The following COL6A6 variants were observed in gnomAD, a reference collection of about 807,000 sequenced individuals.
The protein encoded by COL6A6 is collagen type VI alpha 6 chain.
COL6A6 carries 183 observed loss-of-function variants against 208.6 expected under a neutral mutation model. The observed-to-expected ratio is 0.88, with a 90% CI of 0.78 to 0.99. The LOEUF (loss-of-function observed/expected upper bound fraction) is 0.99, where lower values mean the gene tolerates loss of function less well. Among genes scored for constraint, COL6A6 ranks in the 50% least tolerant of loss-of-function variants. The pLI, the probability that COL6A6 is intolerant of heterozygous loss-of-function variation, is 0.00. For synonymous variants in COL6A6, 973 were observed against 1,011.8 expected, an observed-to-expected ratio of 0.96 and a Z score of 0.73; for missense variants, 2,816 against 2,815.2, an observed-to-expected ratio of 1.00 and a Z score of -0.01.
chr3:130,647,615 A>T (rs1387659035), intron 32 of COL6A6, among the ~76,000 whole-genome samples: 1 of 152,250 alleles, frequency 6.6e-6, no homozygotes, highest in African/African-American at 2.4e-5. Context: ...TTTGAAGGAC[A>T]TGGAGTCAAG....
Position 130,662,073 on chromosome 3 carries a change from T to A in COL6A6, c.6267T>A (p.Ser2089=). 6.2e-7 allele frequency: 1 copy of A among 1,614,058 alleles called. No homozygotes were observed. The highest frequency in any genetic ancestry group is 1.6e-4 in the Middle Eastern group (1 of 6,062). Residue 2089 remains serine (S), a synonymous_variant, in exon 35 of 37, where the codon TCT becomes TCA. Transcript: ENST00000358511. The part of the protein sequence containing the change: ...LRRNKVIFVI[S]AGETSHLDGE... ...GAAACAAAGTCATATTTGTGATATC[T>A]GCTGGGGAAACCAGCCACTTAGATG...
intron 1 of COL6A6, among the ~76,000 whole-genome samples, chr3:130,553,172 C>T (rs972623582): frequency 2.6e-5 from 4 of 152,090 alleles, no homozygotes; most frequent in African/African-American, 7.2e-5. Context: ...TCTACGTTTC[C>T]TGAATTTGAA....
intron 36 of COL6A6, among the ~76,000 whole-genome samples, chr3:130,668,594 A>G (rs2066134543): frequency 6.6e-6 from 1 of 152,216 alleles, no homozygotes; most frequent in South Asian, 2.1e-4. Flanking sequence ...TATCAAAAAT[A>G]AAGGTAGAAT....
intron 33 of COL6A6, among the ~76,000 whole-genome samples, chr3:130,654,427 G>A (rs1206574971): frequency 6.6e-6 from 1 of 152,156 alleles, no homozygotes; most frequent in Non-Finnish European, 1.5e-5. Flanking sequence ...TCCAGATGGA[G>A]TGAAGGCATG....
At chr3:130,661,598 A>G (rs776167186) in intron 34 of COL6A6, 39 bp from the exon 35 acceptor site, 3 of 1,521,158 alleles carry the variant, frequency 2.0e-6, no homozygotes, top group African/African-American at 1.4e-5. Context: ...TCCCTTTTCT[A>G]TTTCTACTTA....
rs1440903874 is a variant in COL6A6, at chr3:130,568,693, A to T, written c.2401+89A>T. ...TTCTTGAATTTAATTCTATTTACATATTGTAAACTTTTGGTTTAATTGAAA... is the reference window on the plus strand; with the variant it reads ...TTCTTGAATTTAATTCTATTTACATTTTGTAAACTTTTGGTTTAATTGAAA... On this transcript the variant is annotated intron_variant, in intron 6 of 36. Coordinates refer to ENST00000358511, the MANE Select transcript of COL6A6 (RefSeq NM_001102608.3). 6 of 1,233,100 alleles carry T rather than the reference A, an allele frequency of 4.9e-6. No individual in the cohort carries two copies. The Admixed American group carries it at 1.5e-4, about 30-fold the overall frequency. The allele number at this position is 1,233,100 out of a possible 1,614,324, so 76.4% of individuals were successfully genotyped here. A position where few individuals can be genotyped will look rare whatever the true frequency, so the allele number is the denominator to read the frequency against.
chr3:130,648,748 C>A (rs967310612), intron 32 of COL6A6, among the ~76,000 whole-genome samples: 9 of 152,068 alleles, frequency 5.9e-5, no homozygotes, highest in Admixed American at 5.2e-4. Context: ...TACTTTTGAT[C>A]GAGTCTCTGC....
intron 33 of COL6A6, among the ~76,000 whole-genome samples, chr3:130,656,978 G>A (rs1174961564): frequency 2.0e-5 from 3 of 152,246 alleles, no homozygotes; most frequent in Admixed American, 6.5e-5. Context: ...AGGGGCAAGG[G>A]GTTTCCCAGG....
chr3:130,673,413 A>G (rs1412312169), intron 36 of COL6A6, among the ~76,000 whole-genome samples: 1 of 151,922 alleles, frequency 6.6e-6, no homozygotes, highest in East Asian at 1.9e-4. Context: ...AAGAAAGGTA[A>G]CAGTAACTAA....
At chr3:130,637,798 A>G (rs1178916634) in intron 28 of COL6A6, among the ~76,000 whole-genome samples, 2 of 151,990 alleles carry the variant, frequency 1.3e-5, no homozygotes, top group Non-Finnish European at 2.9e-5. Context: ...TTGTGTATAT[A>G]TGTATGTTTG....
chr3:130,601,383 A>G (rs2064014492), intron 20 of COL6A6, among the ~76,000 whole-genome samples: 1 of 152,228 alleles, frequency 6.6e-6, no homozygotes, highest in African/African-American at 2.4e-5. Flanking sequence ...AGAGAAAATG[A>G]AAAGAGATCG....
At chr3:130,675,134 G>C (rs1480163605) in intron 36 of COL6A6, 68 bp from the exon 37 acceptor site, 6 of 992,602 alleles carry the variant, frequency 6.0e-6, no homozygotes, top group Middle Eastern at 3.4e-4. Context: ...TACTATGACA[G>C]ATTAATATGT....
intron 28 of COL6A6, among the ~76,000 whole-genome samples, chr3:130,641,064 G>T (rs533974652): frequency 6.6e-6 from 1 of 152,308 alleles, no homozygotes; most frequent in East Asian, 1.9e-4. Flanking sequence ...CTTTTTAAAA[G>T]ATGATTATTA....
In COL6A6 at chr3:130,661,944, G is replaced by A. The variant is rs2065945196; in HGVS notation, c.6138G>A (p.Arg2046=). ...ACAGAAGTAAGCGCCTCATGAAGAG[G>A]CATGTGCACGAGTCAGTTAAACAAC... The part of the protein sequence containing the change: ...TTYRSKRLMK[R]HVHESVKQLN... Residue 2046 remains arginine, a synonymous_variant, in exon 35 of 37, where the codon AGG becomes AGA. Transcript: ENST00000358511. 1 of 1,613,870 alleles carries A rather than the reference G, an allele frequency of 6.2e-7. No individual in the cohort carries two copies. The highest frequency in any genetic ancestry group is 8.5e-7 in the Non-Finnish European group (1 of 1,179,900).
chr3:130,578,812 A>C (rs1289022478), intron 8 of COL6A6, among the ~76,000 whole-genome samples: 2 of 152,176 alleles, frequency 1.3e-5, no homozygotes, highest in African/African-American at 2.4e-5. Context: ...CGTGGGTTGC[A>C]CACGGGCACC....
chr3:130,521,160 A>G (rs1459385058), intron 1 of COL6A6, among the ~76,000 whole-genome samples: 1 of 152,210 alleles, frequency 6.6e-6, no homozygotes, highest in African/African-American at 2.4e-5. Context: ...ACTGTATCCT[A>G]CACTTTAGAG....
At chr3:130,626,299 C>A (rs1559765135) in intron 24 of COL6A6, among the ~76,000 whole-genome samples, 186 bp from the exon 25 acceptor site, 1 of 152,218 alleles carries the variant, frequency 6.6e-6, no homozygotes, top group Non-Finnish European at 1.5e-5. Flanking sequence ...ATAAATCATG[C>A]TTGCTGAGGC....
intron 36 of COL6A6, among the ~76,000 whole-genome samples, chr3:130,668,954 A>C (rs2066143089): frequency 6.6e-6 from 1 of 152,236 alleles, no homozygotes; most frequent in African/African-American, 2.4e-5. Flanking sequence ...GAACATATGG[A>C]ATATTAACAA....
chr3:130,535,251 AATGTTC>A (rs1236773464), intron 1 of COL6A6, among the ~76,000 whole-genome samples: 3 of 152,068 alleles, frequency 2.0e-5, no homozygotes, highest in African/African-American at 7.2e-5. Context: ...TCTTGTTTTA[AATGTTC>A]TATATAAAAC....
Sources: allele counts gnomAD v4.1 joint callset (sites outside exome capture counted in the v4.1 genomes callset), GRCh38; gene constraint gnomAD v4.1.1; transcripts MANE v1.5; gene names NCBI Gene and HGNC (gene_info 2026-07-23, HGNC 2026-07-21).